PIK3C3: variants seen among roughly 807,000 people sequenced by gnomAD.
PIK3C3 encodes the protein phosphatidylinositol 3-kinase catalytic subunit type 3, also known as PI3-kinase type 3.
PIK3C3 carries 95 observed loss-of-function variants against 126.1 expected under a neutral mutation model. The observed-to-expected ratio is 0.75, with a 90% CI of 0.64 to 0.89. PIK3C3 has a LOEUF of 0.89. Ranked by LOEUF, PIK3C3 falls within the 40% of genes least tolerant of loss-of-function variation. The pLI is 0.00. For synonymous variants in PIK3C3, 374 were observed against 360.0 expected, an observed-to-expected ratio of 1.04 and a Z score of -0.44; for missense variants, 829 against 1,063.2, an observed-to-expected ratio of 0.78 and a Z score of 3.06.
intron 9 of PIK3C3, among the ~76,000 whole-genome samples, chr18:42,002,825 T>C (rs1444840269): frequency 2.0e-5 from 3 of 152,182 alleles, no homozygotes; most frequent in Admixed American, 1.3e-4. Flanking sequence ...AGATGTGTCA[T>C]ATAATGAGAA....
intron 13 of PIK3C3, among the ~76,000 whole-genome samples, chr18:42,021,757 A>G (rs1029960349): frequency 1.3e-5 from 2 of 152,168 alleles, no homozygotes; most frequent in Non-Finnish European, 2.9e-5. Context: ...ATGCTCCAAA[A>G]TCCAAAACTC....
intron 24 of PIK3C3, among the ~76,000 whole-genome samples, chr18:42,073,028 T>C (rs1027429706): frequency 1.3e-5 from 2 of 152,102 alleles, no homozygotes; most frequent in Admixed American, 1.3e-4. Flanking sequence ...GAGAAAGGGG[T>C]GTGTTTTCCA....
Position 41,990,615 on chromosome 18 carries a change from AT to A in PIK3C3, c.714+62del, listed in dbSNP as rs377663800. On this transcript the variant is annotated intron_variant, in intron 6 of 24. Transcript: ENST00000262039. ...AGAGGGGAGAGGAAACATTAAAAAA[AT>A]ATTGTTGTTCCTGCTGGGATGAATT... The A allele has an allele frequency of 6.7e-4, 583 of 873,500 alleles. 2 individuals carry two copies. In the African/African-American group the frequency reaches 7.9e-3, roughly 12 times the overall value. 54.1% of individuals were successfully genotyped at this position (873,500 alleles called of 1,614,324 possible). A position where few individuals can be genotyped will look rare whatever the true frequency, so the allele number is the denominator to read the frequency against.
At chr18:42,028,079 A>G (rs1423279616) in intron 14 of PIK3C3, among the ~76,000 whole-genome samples, 1 of 152,166 alleles carries the variant, frequency 6.6e-6, no homozygotes, top group Non-Finnish European at 1.5e-5. Flanking sequence ...TTGTTTTTAT[A>G]TTGTCTATGG....
chr18:42,060,168 G>C (rs919731423), intron 22 of PIK3C3, among the ~76,000 whole-genome samples: 1 of 152,102 alleles, frequency 6.6e-6, no homozygotes, highest in African/African-American at 2.4e-5. Context: ...TAGTTGTTTG[G>C]AGCTAAGGTT....
chr18:42,022,973 A>C (rs1983393818), intron 13 of PIK3C3, among the ~76,000 whole-genome samples: 3 of 152,154 alleles, frequency 2.0e-5, no homozygotes, highest in Non-Finnish European at 4.4e-5. Context: ...GAAAATCTAA[A>C]TATTTAGAAG....
intron 4 of PIK3C3, among the ~76,000 whole-genome samples, chr18:41,977,166 C>G (rs1425002194): frequency 1.3e-5 from 2 of 152,128 alleles, no homozygotes; most frequent in Non-Finnish European, 2.9e-5. Context: ...GCACCCATTA[C>G]ATATCTATGC....
rs145589381 is a variant in PIK3C3 at position 42,022,132 on chromosome 18, C to A, written c.1484+1427C>A. Among the ~76,000 whole-genome samples the A allele has an allele frequency of 3.9e-4, 59 of 152,226 alleles. 1 individual carries two copies. The East Asian group carries it at 4.4e-3, about 11-fold the overall frequency. The stretch of plus-strand genomic sequence containing the variant: ...AAGTAGGTAACTAAATTGGAGCACT[C>A]TTTTTCCTTTTTTCTTTTTTATTGT... On this transcript the variant is annotated intron_variant, in intron 13 of 24. Transcript: ENST00000262039.
At chr18:42,054,247 G>T (rs921533841) in intron 21 of PIK3C3, among the ~76,000 whole-genome samples, 1 of 142,710 alleles carries the variant, frequency 7.0e-6, no homozygotes, top group African/African-American at 2.6e-5. Context: ...ATTATAGGCT[G>T]TCTGCAGGCT....
chr18:42,081,054 A>G (rs1235481702), intron 24 of PIK3C3, 69 bp from the exon 25 acceptor site: 7 of 904,780 alleles, frequency 7.7e-6, no homozygotes, highest in Non-Finnish European at 1.2e-5. Flanking sequence ...TTAAAACTAT[A>G]GACTATTGTT....
At chr18:42,057,386 A>G (rs528135576) in intron 21 of PIK3C3, among the ~76,000 whole-genome samples, 1 of 152,246 alleles carries the variant, frequency 6.6e-6, no homozygotes, top group South Asian at 2.1e-4. Flanking sequence ...CTAAATTGCT[A>G]TTTATGCTAA....
rs1714758141 is a variant in PIK3C3 at position 42,069,420 on chromosome 18, TAAACCC to T, written c.2649+1911_2649+1916del. Among the ~76,000 whole-genome samples the T allele has an allele frequency of 3.9e-5, 6 of 152,318 alleles. No individual in the cohort carries two copies. In the South Asian group the frequency reaches 1.2e-3, roughly 32 times the overall value. ...ACAAACAAGGGACAAAACCAAGACT[TAAACCC>T]AAATATTTTGACTCCCATATTTAGT... On this transcript the variant is annotated intron_variant, in intron 24 of 24. Transcript: ENST00000262039.
chr18:42,029,221 G>A (rs753578035), intron 14 of PIK3C3, 104 bp from the exon 15 acceptor site: 35 of 734,000 alleles, frequency 4.8e-5, no homozygotes, highest in Non-Finnish European at 7.2e-5. Context: ...TTCTATTTAA[G>A]TTTATAACTG....
chr18:41,993,570 G>A (rs1456745423), intron 7 of PIK3C3, among the ~76,000 whole-genome samples: 1 of 151,684 alleles, frequency 6.6e-6, no homozygotes, highest in Non-Finnish European at 1.5e-5. Context: ...CATCCACTTT[G>A]TTTGAATTGC....
At chr18:42,062,944 A>G (rs752405028) in intron 22 of PIK3C3, among the ~76,000 whole-genome samples, 8 of 151,956 alleles carry the variant, frequency 5.3e-5, no homozygotes, top group Non-Finnish European at 1.0e-4. Flanking sequence ...AGGATCATCT[A>G]TTTCATCTCC....
intron 19 of PIK3C3, among the ~76,000 whole-genome samples, chr18:42,042,986 C>T (rs189569855): frequency 6.6e-6 from 1 of 152,016 alleles, no homozygotes; most frequent in East Asian, 1.9e-4. Flanking sequence ...ATGTTCCTGT[C>T]GCGTTGTTTG....
At chr18:42,009,749 T>C (rs1261727446) in intron 10 of PIK3C3, among the ~76,000 whole-genome samples, 2 of 148,628 alleles carry the variant, frequency 1.3e-5, no homozygotes, top group Non-Finnish European at 3.0e-5. Flanking sequence ...CATTATGTAA[T>C]GTACATTATG....
chr18:42,029,325 G>T lies in PIK3C3; in HGVS notation c.1591G>T (p.Gly531Cys). The T allele has an allele frequency of 6.2e-7, 1 of 1,606,232 alleles. No homozygotes were observed. The highest frequency in any genetic ancestry group is 1.1e-5 in the South Asian group (1 of 90,908). The part of the protein sequence containing the change: ...MRRFSQALLK[G>C]DKSVRVMRSL... ...TTTTTTCTCACTTTGAACCCTTCAGGGTGATAAGTCTGTCAGAGTTATGCG... is the reference window on the plus strand; with the variant it reads ...TTTTTTCTCACTTTGAACCCTTCAGTGTGATAAGTCTGTCAGAGTTATGCG... Residue 531 changes from glycine (G) to cysteine (C), a missense_variant and splice_region_variant, in exon 15 of 25, where the codon GGT becomes TGT. Gly to Cys is a radical substitution (Grantham distance 159). This residue lies in a region of PIK3C3 where 256 missense variants were observed against 291.0 expected (regional missense o/e 0.88). Transcript: ENST00000262039.
intron 13 of PIK3C3, among the ~76,000 whole-genome samples, chr18:42,022,507 T>C (rs1350976868): frequency 6.6e-6 from 1 of 152,176 alleles, no homozygotes; most frequent in African/African-American, 2.4e-5. Flanking sequence ...ACACAATTTT[T>C]GATTTACATA....
Sources: allele counts gnomAD v4.1 joint callset (sites outside exome capture counted in the v4.1 genomes callset), GRCh38; gene constraint gnomAD v4.1.1; regional missense constraint gnomAD v4.1.1; transcripts MANE v1.5; gene names NCBI Gene and HGNC (gene_info 2026-07-23, HGNC 2026-07-21).